IL1RAPL1: variants seen among roughly 807,000 people sequenced by gnomAD.
The protein encoded by IL1RAPL1 is interleukin 1 receptor accessory protein like 1, also known as interleukin-1 receptor accessory protein-like 1.
IL1RAPL1 carries 3 observed loss-of-function variants against 48.4 expected under a neutral mutation model. The ratio of observed to expected loss-of-function variants is 0.06; its 90% CI spans 0.03 to 0.16. The LOEUF (loss-of-function observed/expected upper bound fraction) is 0.16. Among genes scored for constraint, IL1RAPL1 ranks in the 10% least tolerant of loss-of-function variants. The pLI is 1.00. For synonymous variants in IL1RAPL1, 185 were observed against 187.7 expected (o/e 0.99, Z 0.12); for missense variants, 349 against 530.6 (o/e 0.66, Z 3.36).
At chrX:29,503,253 C>T (rs1935293898) in intron 5 of IL1RAPL1, among the ~76,000 whole-genome samples, 1 of 111,200 alleles carries the variant, frequency 9.0e-6, no homozygotes, top group African/African-American at 3.3e-5. Context: ...TTTGTTTTGT[C>T]GATCTTCTGT....
chrX:28,892,903 G>A (rs1310168650), intron 2 of IL1RAPL1, among the ~76,000 whole-genome samples: 1 of 111,717 alleles, frequency 9.0e-6, no homozygotes, highest in Non-Finnish European at 1.9e-5. Context: ...TAAGAATTGG[G>A]AGGACCTAGG....
At chrX:29,772,150 C>T (rs1474960795) in intron 6 of IL1RAPL1, among the ~76,000 whole-genome samples, 1 of 108,540 alleles carries the variant, frequency 9.2e-6, no homozygotes, top group East Asian at 2.9e-4. Flanking sequence ...ACTCGGGAGA[C>T]TGAGGCAGGA....
chrX:28,870,925 G>A (rs906818736), intron 2 of IL1RAPL1, among the ~76,000 whole-genome samples: 2 of 111,913 alleles, frequency 1.8e-5, no homozygotes, highest in Admixed American at 1.9e-4. Flanking sequence ...CCAATATGGA[G>A]TGATGGTTTT....
chrX:29,915,771 T>G (rs1172192527), intron 6 of IL1RAPL1, among the ~76,000 whole-genome samples: 1 of 99,156 alleles, frequency 1.0e-5, no homozygotes, highest in African/African-American at 3.7e-5. Context: ...TATTATACTT[T>G]AAGTTTTAGG....
intron 5 of IL1RAPL1, among the ~76,000 whole-genome samples, chrX:29,651,314 G>A (rs1925511269): frequency 2.7e-5 from 3 of 110,984 alleles, no homozygotes; most frequent in African/African-American, 9.8e-5. Context: ...AGAAACATAT[G>A]CACTTCTATG....
At chrX:28,620,831 C>T (rs930967583) in intron 1 of IL1RAPL1, among the ~76,000 whole-genome samples, 4 of 111,802 alleles carry the variant, frequency 3.6e-5, no homozygotes, top group Non-Finnish European at 7.5e-5. Flanking sequence ...CTTCATTTAC[C>T]TTTTGCTCTT....
At chrX:29,279,675 A>G (rs1220596652) in intron 2 of IL1RAPL1, among the ~76,000 whole-genome samples, 1 of 111,581 alleles carries the variant, frequency 9.0e-6, no homozygotes, top group Non-Finnish European at 1.9e-5. Context: ...TTTTGCCTCT[A>G]ACTTTTCTTT....
intron 2 of IL1RAPL1, among the ~76,000 whole-genome samples, chrX:29,210,964 C>T (rs1930757829): frequency 8.9e-6 from 1 of 112,034 alleles, no homozygotes; most frequent in Non-Finnish European, 1.9e-5. Flanking sequence ...TGTTGTCTTT[C>T]GTCATTCAAC....
At chrX:29,759,826 G>A (rs1352067346) in intron 6 of IL1RAPL1, among the ~76,000 whole-genome samples, 2 of 111,649 alleles carry the variant, frequency 1.8e-5, no homozygotes, top group African/African-American at 6.5e-5. Flanking sequence ...ATTATTGCTA[G>A]GCCCTTTATA....
At chrX:28,835,486 A>T (rs150489546) in intron 2 of IL1RAPL1, among the ~76,000 whole-genome samples, 44 of 111,139 alleles carry the variant, frequency 4.0e-4, no homozygotes, top group African/African-American at 1.4e-3. Flanking sequence ...AATCCAGCAC[A>T]GTGGGGGGAA....
At position 28,895,373 on chromosome X, in the gene IL1RAPL1, G is replaced by T. The variant is rs181972219; in HGVS notation, c.82+105948G>T. The stretch of plus-strand genomic sequence containing the variant: ...TGTGGGATGGGATATTGGCATTGAG[G>T]GGGGTAAGGGTGATTAGGTTTTAAT... On this transcript the variant is annotated intron_variant, in intron 2 of 10. Transcript: ENST00000378993. Among the ~76,000 whole-genome samples, 84 of 108,564 alleles carry T rather than the reference G, an allele frequency of 7.7e-4. 1 individual carries two copies. In the East Asian group the frequency reaches 0.024, roughly 31 times the overall value. The allele number at this position is 108,564 out of a possible 115,157, so 94.3% of individuals were successfully genotyped here.
chrX:29,290,525 C>A (rs1471872860), intron 3 of IL1RAPL1, among the ~76,000 whole-genome samples: 2 of 112,442 alleles, frequency 1.8e-5, no homozygotes, highest in African/African-American at 6.5e-5. Context: ...TGTTTACTTT[C>A]TTTCTATCTT....
chrX:29,089,409 T>C (rs1188625938), intron 2 of IL1RAPL1, among the ~76,000 whole-genome samples: 3 of 110,091 alleles, frequency 2.7e-5, no homozygotes, highest in Admixed American at 9.7e-5. Context: ...GATCTACTCT[T>C]TTTTTGTAGT....
rs7065750 is a variant in IL1RAPL1 at position 29,598,347 on chromosome X, T to C, written c.704-70083T>C. On this transcript the variant is annotated intron_variant, in intron 5 of 10. Coordinates refer to ENST00000378993, the MANE Select transcript of IL1RAPL1 (RefSeq NM_014271.4). Reference sequence around the variant, plus strand: ...ATTTGCATGGTTTTGAGGGATCCTTTTGGAGTCGATTTCCAATTTTATTCC... The same window carrying C: ...ATTTGCATGGTTTTGAGGGATCCTTCTGGAGTCGATTTCCAATTTTATTCC... Among the ~76,000 whole-genome samples, 736 of 112,250 alleles carry C rather than the reference T, an allele frequency of 6.6e-3. 8 individuals are homozygous for C. Among genetic ancestry groups the C allele is most frequent in the African/African-American group, 0.022 (672 of 30,913 alleles).
intron 6 of IL1RAPL1, among the ~76,000 whole-genome samples, chrX:29,794,175 AAACT>A (rs1171548184): frequency 3.6e-5 from 4 of 111,941 alleles, no homozygotes; most frequent in Non-Finnish European, 7.5e-5. Context: ...GAGTTGGAGT[AAACT>A]AACCCAATCT....
chrX:29,344,005 T>C (rs1289771521), intron 3 of IL1RAPL1, among the ~76,000 whole-genome samples: 1 of 112,286 alleles, frequency 8.9e-6, no homozygotes. Context: ...AGTATGAAAA[T>C]TGACATTTAT....
intron 2 of IL1RAPL1, among the ~76,000 whole-genome samples, chrX:29,263,784 C>T (rs1379269020): frequency 1.8e-5 from 2 of 109,416 alleles, no homozygotes; most frequent in Non-Finnish European, 3.8e-5. Flanking sequence ...CTAGAATTGG[C>T]TCACCAGTAT....
chrX:28,764,063 A>G, intron 1 of IL1RAPL1, among the ~76,000 whole-genome samples: 1 of 111,683 alleles, frequency 9.0e-6, no homozygotes, highest in Admixed American at 9.6e-5. Context: ...CAAATAATTT[A>G]TGTCAATTTA....
intron 2 of IL1RAPL1, among the ~76,000 whole-genome samples, chrX:28,998,823 G>A (rs907284665): frequency 1.8e-5 from 2 of 112,005 alleles, no homozygotes; most frequent in Non-Finnish European, 3.8e-5. Flanking sequence ...ATGGTGTGGA[G>A]GACAAAGCAG....
Sources: allele counts gnomAD v4.1 joint callset (sites outside exome capture counted in the v4.1 genomes callset), GRCh38; gene constraint gnomAD v4.1.1; transcripts MANE v1.5; gene names NCBI Gene and HGNC (gene_info 2026-07-23, HGNC 2026-07-21).